Variants in DGKI observed in about 807,000 individuals in gnomAD.
DGKI encodes diacylglycerol kinase iota, also known as DAG kinase iota.
In DGKI, 55 loss-of-function variants were observed where a neutral mutation model predicts 147.5. The observed-to-expected ratio is 0.37, with a 90% confidence interval of 0.30 to 0.47. DGKI has a LOEUF of 0.47. Ranked by LOEUF, DGKI falls within the 20% of genes least tolerant of loss-of-function variation. The pLI, the probability that DGKI is intolerant of heterozygous loss-of-function variation, is 1.00. For synonymous variants in DGKI, 469 were observed against 477.1 expected, an observed-to-expected ratio of 0.98 and a Z score of 0.22; for missense variants, 1,007 against 1,323.8, an observed-to-expected ratio of 0.76 and a Z score of 3.71.
In DGKI at chr7:137,585,116, C is replaced by A. The variant is rs149233725; in HGVS notation, c.1563+93G>T. 1,252 of 1,410,328 alleles carry A rather than the reference C, an allele frequency of 8.9e-4. 11 individuals carry two copies. The African/African-American group carries it at 0.016, about 18-fold the overall frequency. The allele number at this position is 1,410,328 out of a possible 1,614,324, so 87.4% of individuals were successfully genotyped here. A position where few individuals can be genotyped will look rare whatever the true frequency, so the allele number is the denominator to read the frequency against. On this transcript the variant is annotated intron_variant, in intron 14 of 32. Transcript: ENST00000614521. ...ATTATCACATTATCTCATAGGAATT[C>A]ATCAGCACATGACTCTCCAGCCAGG...
intron 1 of DGKI, among the ~76,000 whole-genome samples, chr7:137,693,161 G>A (rs1227970736): frequency 2.0e-5 from 3 of 152,094 alleles, no homozygotes; most frequent in South Asian, 2.1e-4. Context: ...GGTAGATGAC[G>A]AATTTAAGAG....
chr7:137,765,174 T>G (rs1795977281), intron 1 of DGKI, among the ~76,000 whole-genome samples: 1 of 152,228 alleles, frequency 6.6e-6, no homozygotes, highest in South Asian at 2.1e-4. Context: ...AATGCAGCTT[T>G]TTAGTTGCCT....
At chr7:137,625,623 C>T (rs1820909160) in intron 6 of DGKI, among the ~76,000 whole-genome samples, 4 of 151,052 alleles carry the variant, frequency 2.6e-5, no homozygotes, top group Non-Finnish European at 5.9e-5. Context: ...ACAGACTGGG[C>T]ATGGTGGCTC....
intron 20 of DGKI, among the ~76,000 whole-genome samples, chr7:137,549,219 C>T (rs1817965161): frequency 6.6e-6 from 1 of 152,100 alleles, no homozygotes; most frequent in Non-Finnish European, 1.5e-5. Flanking sequence ...TTTGAGGTTA[C>T]TATGAGACAT....
chr7:137,702,663 C>T (rs1175589942), intron 1 of DGKI, among the ~76,000 whole-genome samples: 1 of 152,150 alleles, frequency 6.6e-6, no homozygotes, highest in Non-Finnish European at 1.5e-5. Context: ...GCTCCTTGAT[C>T]CCAGTAAAAA....
chr7:137,730,909 G>A (rs1794860967), intron 1 of DGKI, among the ~76,000 whole-genome samples: 1 of 152,012 alleles, frequency 6.6e-6, no homozygotes. Flanking sequence ...AGTATCTGGA[G>A]GATAATACAG....
intron 10 of DGKI, among the ~76,000 whole-genome samples, chr7:137,601,278 A>G (rs1416485697): frequency 2.0e-5 from 3 of 152,140 alleles, no homozygotes; most frequent in Non-Finnish European, 4.4e-5. Context: ...CTCAAAAAAA[A>G]AAAAGAAAAA....
intron 25 of DGKI, among the ~76,000 whole-genome samples, chr7:137,466,300 A>G (rs181538342): frequency 6.6e-6 from 1 of 152,346 alleles, no homozygotes; most frequent in East Asian, 1.9e-4. Flanking sequence ...CTTCCCAAAT[A>G]CTATTAGAGA....
chr7:137,779,306 A>G (rs1796450110), intron 1 of DGKI, among the ~76,000 whole-genome samples: 1 of 152,180 alleles, frequency 6.6e-6, no homozygotes, highest in Non-Finnish European at 1.5e-5. Context: ...ATGAACCTCA[A>G]CCTCTATCTT....
chr7:137,610,147 C>T (rs1268137326), intron 8 of DGKI, among the ~76,000 whole-genome samples: 3 of 151,706 alleles, frequency 2.0e-5, no homozygotes, highest in African/African-American at 7.3e-5. Flanking sequence ...ATTTATGATC[C>T]AACTGTCCTA....
chr7:137,564,900 C>A (rs574889270), intron 19 of DGKI, among the ~76,000 whole-genome samples: 1 of 152,226 alleles, frequency 6.6e-6, no homozygotes, highest in Non-Finnish European at 1.5e-5. Context: ...GGGCTCCTAC[C>A]GCCCCCACCG....
intron 21 of DGKI, chr7:137,513,931 A>G (rs1407016753): frequency 1.2e-6 from 1 of 806,178 alleles, no homozygotes; most frequent in Non-Finnish European, 2.1e-6. Context: ...GCAGAGGTCC[A>G]AGTAAACCGC....
intron 1 of DGKI, among the ~76,000 whole-genome samples, chr7:137,705,879 A>G (rs1794005707): frequency 6.6e-6 from 1 of 152,088 alleles, no homozygotes; most frequent in Non-Finnish European, 1.5e-5. Context: ...TGCAGTAAAG[A>G]TATAACCCTG....
intron 1 of DGKI, among the ~76,000 whole-genome samples, chr7:137,742,300 G>A (rs1374668571): frequency 3.3e-5 from 5 of 151,812 alleles, no homozygotes; most frequent in East Asian, 3.9e-4. Context: ...TTGGTGCGCT[G>A]TTACATCCAA....
Position 137,484,007 on chromosome 7 carries a change from T to C in DGKI, c.2373+1367A>G, listed in dbSNP as rs373520346. ...AAAAATTTGGTGGAAATTTGTCTTC[T>C]AGTGTTTGGTAAAAACAGTCTAGAA... On this transcript the variant is annotated intron_variant, in intron 23 of 32. Coordinates refer to ENST00000614521, the MANE Select transcript of DGKI (RefSeq NM_001321708.2). 7.9e-5 allele frequency among the ~76,000 whole-genome samples: 12 copies of C among 152,236 alleles called. No homozygotes were observed. In the South Asian group the frequency reaches 2.3e-3, roughly 29 times the overall value.
rs1562986666 is a variant in DGKI at position 137,385,062 on chromosome 7, C to T, written c.*6158G>A. 6.6e-6 allele frequency: 1 copy of T among 152,018 alleles called. No homozygotes were observed. Among genetic ancestry groups the T allele is most frequent in the Non-Finnish European group, 1.5e-5 (1 of 67,988 alleles). The allele number at this position is 152,018 out of a possible 1,614,324, so 9.4% of individuals were successfully genotyped here. ...TGTGGTTATACTAGATTACACTTAACTCTTAGAATATCAAACCACAGCACT... is the reference window on the plus strand; with the variant it reads ...TGTGGTTATACTAGATTACACTTAATTCTTAGAATATCAAACCACAGCACT... On this transcript the variant is annotated 3_prime_UTR_variant, in exon 33 of 33. Transcript: ENST00000614521.
At chr7:137,832,565 G>A (rs181493839) in intron 1 of DGKI, among the ~76,000 whole-genome samples, 5 of 152,364 alleles carry the variant, frequency 3.3e-5, no homozygotes, top group Admixed American at 6.5e-5. Flanking sequence ...AGAGCAAGAG[G>A]TCCCTGGGCT....
At chr7:137,790,161 T>G (rs1796806832) in intron 1 of DGKI, among the ~76,000 whole-genome samples, 1 of 151,970 alleles carries the variant, frequency 6.6e-6, no homozygotes, top group African/African-American at 2.4e-5. Context: ...GCCAGCGAGA[T>G]CTGGTCCATG....
At chr7:137,445,775 G>T (rs1380917712) in intron 27 of DGKI, among the ~76,000 whole-genome samples, 1 of 152,110 alleles carries the variant, frequency 6.6e-6, no homozygotes, top group Non-Finnish European at 1.5e-5. Context: ...ACTTGAAAGT[G>T]CCTGAAGCTC....
Sources: allele counts gnomAD v4.1 joint callset (sites outside exome capture counted in the v4.1 genomes callset), GRCh38; gene constraint gnomAD v4.1.1; transcripts MANE v1.5; gene names NCBI Gene and HGNC (gene_info 2026-07-23, HGNC 2026-07-21).